CHD1: variants seen among roughly 807,000 people sequenced by gnomAD.
CHD1 encodes ATP-dependent chromatin remodeler CHD1.
CHD1 carries 36 observed loss-of-function variants against 224.2 expected under a neutral mutation model. That is an observed-to-expected ratio of 0.16 (90% CI 0.12 to 0.21). The LOEUF is 0.21. Among genes scored for constraint, CHD1 ranks in the 10% least tolerant of loss-of-function variants. CHD1 has a pLI of 1.00. For missense variants in CHD1, 1,378 were observed against 1,994.8 expected, an observed-to-expected ratio of 0.69 and a Z score of 5.89; for synonymous variants, 668 against 658.3, an observed-to-expected ratio of 1.01 and a Z score of -0.23.
intron 2 of CHD1, among the ~76,000 whole-genome samples, chr5:98,913,768 C>T (rs185548000): frequency 1.8e-4 from 26 of 148,478 alleles, no homozygotes; most frequent in Admixed American, 1.3e-3. Flanking sequence ...TTATTTAATC[C>T]TTTTATTTTC....
intron 2 of CHD1, among the ~76,000 whole-genome samples, chr5:98,908,523 T>A (rs1425374002): frequency 6.6e-6 from 1 of 152,140 alleles, no homozygotes; most frequent in African/African-American, 2.4e-5. Flanking sequence ...CAATGTTTCA[T>A]GGATAGATGA....
At chr5:98,884,379 A>G (rs575481878) in intron 18 of CHD1, among the ~76,000 whole-genome samples, 1 of 152,060 alleles carries the variant, frequency 6.6e-6, no homozygotes, top group South Asian at 2.1e-4. Flanking sequence ...CAGCCTGGAG[A>G]CTACTATTCT....
intron 8 of CHD1, among the ~76,000 whole-genome samples, chr5:98,898,991 T>C (rs753864468): frequency 5.9e-5 from 9 of 152,320 alleles, no homozygotes; most frequent in East Asian, 1.9e-4. Context: ...TTACCAAGGA[T>C]AGGTTTAGAT....
intron 5 of CHD1, among the ~76,000 whole-genome samples, chr5:98,902,345 A>C (rs2112533032): frequency 6.6e-6 from 1 of 152,228 alleles, no homozygotes; most frequent in Admixed American, 6.5e-5. Flanking sequence ...TAATATGCAG[A>C]ATATCAAAGG....
chr5:98,856,692 C>T lies in CHD1; in HGVS notation c.4821G>A (p.Leu1607=). 1 of 1,609,644 alleles carries T rather than the reference C, an allele frequency of 6.2e-7. No individual in the cohort carries two copies. The highest frequency in any genetic ancestry group is 1.1e-5 in the South Asian group (1 of 90,954). Residue 1607 remains leucine (L), a synonymous_variant, in exon 36 of 36, where the codon CTG becomes CTA. Coordinates refer to ENST00000614616, the MANE Select transcript of CHD1 (RefSeq NM_001270.4). ...TGTGATCTCTACTCCTGTGATCATCCAGTTTTCTGTGTTTCTCTCTGTCAC... is the reference window on the plus strand; with the variant it reads ...TGTGATCTCTACTCCTGTGATCATCTAGTTTTCTGTGTTTCTCTCTGTCAC... ...YYSDREKHRK[L]DDHRSRDHRS...
chr5:98,861,811 T>C (rs1242232925), intron 32 of CHD1, among the ~76,000 whole-genome samples: 1 of 151,884 alleles, frequency 6.6e-6, no homozygotes, highest in Non-Finnish European at 1.5e-5. Flanking sequence ...CCACAATGAC[T>C]GTTCTTGAGG....
intron 19 of CHD1, among the ~76,000 whole-genome samples, chr5:98,882,427 G>GC (rs1332702134): frequency 2.2e-5 from 3 of 137,460 alleles, no homozygotes; most frequent in Non-Finnish European, 1.6e-5. Flanking sequence ...ATGGGGGGGG[G>GC]GCATGTAAAC....
chr5:98,928,905 C>G lies in CHD1; in HGVS notation c.-515G>C, dbSNP rs1174205247. 1 of 153,840 alleles carries G rather than the reference C, an allele frequency of 6.5e-6. No homozygotes were observed. Among genetic ancestry groups the G allele is most frequent in the Non-Finnish European group, 1.5e-5 (1 of 68,914 alleles). 9.5% of individuals were successfully genotyped at this position (153,840 alleles called of 1,614,324 possible). On this transcript the variant is annotated 5_prime_UTR_variant, in exon 1 of 36. Transcript: ENST00000614616. Reference sequence around the variant, plus strand: ...CGCCGAGAAAGCAAGCGAGCGCAACCGTCTCCGTCGTAGCCGCCGCCGCCA... The same window carrying G: ...CGCCGAGAAAGCAAGCGAGCGCAACGGTCTCCGTCGTAGCCGCCGCCGCCA...
At chr5:98,900,206 T>C (rs1049592462) in intron 7 of CHD1, among the ~76,000 whole-genome samples, 2 of 145,594 alleles carry the variant, frequency 1.4e-5, no homozygotes, top group Admixed American at 7.0e-5. Context: ...GGCGTGAACC[T>C]GGGAGGCGGA....
intron 24 of CHD1, among the ~76,000 whole-genome samples, chr5:98,876,092 T>A (rs1003157176): frequency 6.6e-6 from 1 of 152,202 alleles, no homozygotes; most frequent in African/African-American, 2.4e-5. Context: ...TGAGAATTTT[T>A]AAAAATCAAA....
At chr5:98,911,172 T>G (rs1207196267) in intron 2 of CHD1, among the ~76,000 whole-genome samples, 3 of 130,302 alleles carry the variant, frequency 2.3e-5, no homozygotes, top group African/African-American at 8.9e-5. Context: ...TATATATATA[T>G]ATATAGAGGC....
intron 1 of CHD1, among the ~76,000 whole-genome samples, chr5:98,927,437 C>T (rs186176504): frequency 3.3e-5 from 5 of 152,180 alleles, no homozygotes; most frequent in African/African-American, 9.6e-5. Flanking sequence ...CCGACCTCAG[C>T]AAAGAGAATT....
intron 2 of CHD1, among the ~76,000 whole-genome samples, chr5:98,909,254 G>A (rs969531379): frequency 2.6e-5 from 4 of 152,068 alleles, no homozygotes; most frequent in Non-Finnish European, 4.4e-5. Flanking sequence ...TTTGCTAAGC[G>A]CACCCTTGTG....
chr5:98,884,134 C>T (rs1158468115), intron 18 of CHD1, among the ~76,000 whole-genome samples: 2 of 146,800 alleles, frequency 1.4e-5, no homozygotes, highest in African/African-American at 2.5e-5. Flanking sequence ...AGTGCAGTGG[C>T]GCGATCTCGG....
chr5:98,857,999 T>G (rs1488542133), intron 35 of CHD1, among the ~76,000 whole-genome samples, 181 bp downstream of exon 35: 1 of 152,116 alleles, frequency 6.6e-6, no homozygotes, highest in Non-Finnish European at 1.5e-5. Flanking sequence ...AAATCCATTT[T>G]ATAGAGAAAT....
chr5:98,902,090 T>C (rs893857094), intron 5 of CHD1, among the ~76,000 whole-genome samples: 2 of 152,076 alleles, frequency 1.3e-5, no homozygotes, highest in Non-Finnish European at 2.9e-5. Flanking sequence ...TTTGAGATCT[T>C]TTCAGGGCTT....
rs71619163 is a variant in CHD1, at chr5:98,867,795, G to GTTT, written c.4248+697_4248+699dup. 6.5e-3 allele frequency among the ~76,000 whole-genome samples: 637 copies of GTTT among 97,986 alleles called. 6 individuals carry two copies. Among genetic ancestry groups the GTTT allele is most frequent in the East Asian group, 9.7e-3 (32 of 3,308 alleles). 64.3% of individuals were successfully genotyped at this position (97,986 alleles called of 152,430 possible). ...ACCTTGGCCTCCTTTTATCTTCCTT[G>GTTT]TTTTTTTTTTTTTTTTTTTTTTTGA... On this transcript the variant is annotated intron_variant, in intron 31 of 35. Coordinates refer to ENST00000614616, the MANE Select transcript of CHD1 (RefSeq NM_001270.4).
intron 15 of CHD1, among the ~76,000 whole-genome samples, chr5:98,891,625 G>C (rs775319621): frequency 8.6e-5 from 13 of 151,388 alleles, no homozygotes; most frequent in Non-Finnish European, 1.5e-4. Flanking sequence ...AGCCTGGCCA[G>C]CATGGCAAAA....
In CHD1 at chr5:98,898,372, G is replaced by A; in HGVS notation, c.1249C>T (p.Pro417Ser). ...TCTTCCCAGCTGCACTCTGAGTATG[G>A]AAGGCCCTGCCATTTGCAGTAATAA... ...PDYYCKWQGLPYSECSWEDGA... is the reference protein window; with the variant it reads ...PDYYCKWQGLSYSECSWEDGA... The change falls in exon 10 of 36, where the codon CCA (proline) becomes TCA (serine). Residue 417 changes from proline to serine, a missense_variant. Pro to Ser is a moderately conservative substitution (Grantham distance 74). Around this residue, in one of 16 missense-constraint regions of CHD1, gnomAD observed 86 missense variants for 97.7 expected, o/e 0.88. Coordinates refer to ENST00000614616, the MANE Select transcript of CHD1 (RefSeq NM_001270.4). The A allele has an allele frequency of 8.7e-6, 14 of 1,601,772 alleles. No individual in the cohort carries two copies. The highest frequency in any genetic ancestry group is 1.2e-5 in the Non-Finnish European group (14 of 1,174,808).
Sources: gnomAD v4.1 joint callset for allele counts (sites outside exome capture counted in the v4.1 genomes callset) on GRCh38, gnomAD v4.1.1 for gene constraint, gnomAD v4.1.1 regional missense constraint, MANE v1.5 for transcripts, NCBI Gene and HGNC (gene_info 2026-07-23, HGNC 2026-07-21) for gene names.